Variants in CD101 observed in about 807,000 individuals in gnomAD.
CD101 encodes the protein immunoglobulin superfamily member 2.
Under a neutral mutation model 98.2 loss-of-function variants are expected in CD101, and 76 were observed. That is an observed-to-expected ratio of 0.77 (90% confidence interval 0.64 to 0.94). The LOEUF is 0.94. CD101 is among the 40% of genes least tolerant of loss of function. The probability of loss-of-function intolerance (pLI) is 0.00; values close to 1 mark genes in which losing one functional copy is unlikely to be tolerated. For missense variants in CD101, 1,145 were observed against 1,218.8 expected, an observed-to-expected ratio of 0.94 and a Z score of 0.90; for synonymous variants, 471 against 472.7, an observed-to-expected ratio of 1.00 and a Z score of 0.05.
At position 117,023,160 on chromosome 1, in the gene CD101, C is replaced by A. The variant is rs1288955718; in HGVS notation, c.2428+1177C>A. On this transcript the variant is annotated intron_variant, in intron 7 of 9. Transcript: ENST00000682167. The surrounding 1 kb of genome is among the most constrained non-coding windows in gnomAD (Gnocchi z 4.4). ...GCATGCCCTAAATTGCACTTAGCAT[C>A]TCTGCCATCTCACCATGCTCATTTG... Among the ~76,000 whole-genome samples, 1 of 152,218 alleles carries A rather than the reference C, an allele frequency of 6.6e-6. No homozygotes were observed. Among genetic ancestry groups the A allele is most frequent in the African/African-American group, 2.4e-5 (1 of 41,458 alleles).
intron 4 of CD101, 150 bp from the exon 5 acceptor site, chr1:117,016,940 A>G: frequency 2.7e-6 from 2 of 741,984 alleles, no homozygotes; most frequent in Non-Finnish European, 4.3e-6. Flanking sequence ...GGTTTGGCAA[A>G]TCTTTTGCCT....
In CD101 at chr1:117,022,046, G is replaced by A; in HGVS notation, c.2428+63G>A. On this transcript the variant is annotated intron_variant, in intron 7 of 9. Coordinates refer to ENST00000682167, the MANE Select transcript of CD101 (RefSeq NM_001256106.3). The surrounding 1 kb of genome is among the most constrained non-coding windows in gnomAD (Gnocchi z 4.8). ...TCTGACGGCTGTTTTCTCTTGGGCA[G>A]CTGTTCTATGGAGTGATTATGTGGA... 2 of 1,519,264 alleles carry A rather than the reference G, an allele frequency of 1.3e-6. No individual in the cohort carries two copies. The highest frequency in any genetic ancestry group is 4.1e-5 in the Admixed American group (2 of 49,046). 94.1% of individuals were successfully genotyped at this position (1,519,264 alleles called of 1,614,324 possible).
rs751020540 is a variant in CD101 at position 117,013,441 on chromosome 1, T to A, written c.877T>A (p.Leu293Met). The change falls in exon 4 of 10, where the codon TTG (leucine) becomes ATG (methionine). Residue 293 changes from leucine (L) to methionine (M), a missense_variant. Physicochemically the swap from Leu to Met is conservative, Grantham distance 15 (BLOSUM62 2). Transcript: ENST00000682167. ...DFQVNITADS[L>M]FAEGKPLELV... ...TCAAGTCAACATTACAGCTGACAGCTTGTTTGCTGAAGGGAAACCCTTAGA... is the reference window on the plus strand; with the variant it reads ...TCAAGTCAACATTACAGCTGACAGCATGTTTGCTGAAGGGAAACCCTTAGA... The A allele has an allele frequency of 9.9e-6, 16 of 1,611,828 alleles. No individual in the cohort carries two copies. The highest frequency in any genetic ancestry group is 5.0e-5 in the Admixed American group (3 of 59,714).
chr1:117,023,686 G>A lies in CD101; in HGVS notation c.2428+1703G>A, dbSNP rs369478693. On this transcript the variant is annotated intron_variant, in intron 7 of 9. Transcript: ENST00000682167. This position sits in a 1 kb window ranked among gnomAD's most constrained non-coding sequence, Gnocchi z 4.4. ...CCTGCCTTGGCCTCCCAAAGTGCTG[G>A]GATTACAGGCGTGAGCCACTGCGCC... 6.6e-6 allele frequency among the ~76,000 whole-genome samples: 1 copy of A among 152,038 alleles called. No homozygotes were observed. Among genetic ancestry groups the A allele is most frequent in the African/African-American group, 2.4e-5 (1 of 41,366 alleles).
At chr1:117,020,352 T>C (rs1396455025) in intron 6 of CD101, among the ~76,000 whole-genome samples, 2 of 152,126 alleles carry the variant, frequency 1.3e-5, no homozygotes, top group Non-Finnish European at 2.9e-5. Context: ...GAGACCAGCC[T>C]GGCCAACATA....
rs764606027 is a variant in CD101 at position 117,018,692 on chromosome 1, G to A, written c.2017+132G>A. On this transcript the variant is annotated intron_variant, in intron 6 of 9. Coordinates refer to ENST00000682167, the MANE Select transcript of CD101 (RefSeq NM_001256106.3). The surrounding 1 kb of genome is among the most constrained non-coding windows in gnomAD (Gnocchi z 4.3). ...TGTTCTATCTAAGTAAGCACCACAT[G>A]ATGAATGATACCCAGGTTAACATTG... 1 of 826,356 alleles carries A rather than the reference G, an allele frequency of 1.2e-6. No individual in the cohort carries two copies. The highest frequency in any genetic ancestry group is 1.8e-6 in the Non-Finnish European group (1 of 544,798). 51.2% of individuals were successfully genotyped at this position (826,356 alleles called of 1,614,324 possible).
chr1:117,023,288 G>A lies in CD101; in HGVS notation c.2428+1305G>A, dbSNP rs757642404. On this transcript the variant is annotated intron_variant, in intron 7 of 9. Transcript: ENST00000682167. The surrounding 1 kb of genome is among the most constrained non-coding windows in gnomAD (Gnocchi z 4.4). ...TGGCCGTCTTCAGGAGGCAGCCACT[G>A]CTTAGCTCAAGTGCTTCCCATGTAG... 2.0e-5 allele frequency among the ~76,000 whole-genome samples: 3 copies of A among 152,202 alleles called. No homozygotes were observed. The South Asian group carries it at 6.2e-4, about 31-fold the overall frequency.
chr1:117,030,445 G>A (rs571558862), intron 8 of CD101, among the ~76,000 whole-genome samples: 1 of 150,148 alleles, frequency 6.7e-6, no homozygotes, highest in South Asian at 2.1e-4. Flanking sequence ...GAAAGAAAGA[G>A]AAAGAAAGAA....
Position 117,010,268 on chromosome 1 carries a change from G to A in CD101, c.424+38G>A. 1 of 1,573,962 alleles carries A rather than the reference G, an allele frequency of 6.4e-7. No individual in the cohort carries two copies. Among genetic ancestry groups the A allele is most frequent in the Non-Finnish European group, 8.6e-7 (1 of 1,157,328 alleles). ...TCCACTTCTGCTAGCCAGCCCCTGAGAAGCCAGAGTCTCCACCATGACAAT... is the reference window on the plus strand; with the variant it reads ...TCCACTTCTGCTAGCCAGCCCCTGAAAAGCCAGAGTCTCCACCATGACAAT... On this transcript the variant is annotated intron_variant, in intron 2 of 9. Coordinates refer to ENST00000682167, the MANE Select transcript of CD101 (RefSeq NM_001256106.3). This position sits in a 1 kb window ranked among gnomAD's most constrained non-coding sequence, Gnocchi z 5.2.
At chr1:117,026,994 T>A (rs2764877) in intron 8 of CD101, among the ~76,000 whole-genome samples, 44,374 of 152,068 alleles carry the variant, frequency 0.29, 6,752 homozygotes, top group South Asian at 0.4. Flanking sequence ...GGCTGGAATC[T>A]GACCAGCCTA....
rs1336246863 is a variant in CD101, at chr1:117,022,103, G to C, written c.2428+120G>C. The C allele has an allele frequency of 1.8e-6, 2 of 1,115,098 alleles. No individual in the cohort carries two copies. The highest frequency in any genetic ancestry group is 3.1e-5 in the African/African-American group (2 of 64,064). 69.1% of individuals were successfully genotyped at this position (1,115,098 alleles called of 1,614,324 possible). On this transcript the variant is annotated intron_variant, in intron 7 of 9. Transcript: ENST00000682167. This position sits in a 1 kb window ranked among gnomAD's most constrained non-coding sequence, Gnocchi z 4.8. ...AATATGACCTAAAGTCATAGGAACA[G>C]TATCTACCTACACATGACTGCAAGA...
chr1:117,026,030 G>A, intron 8 of CD101, 126 bp downstream of exon 8: 1 of 1,038,830 alleles, frequency 9.6e-7, no homozygotes, highest in African/African-American at 1.6e-5. Context: ...ACAATTTTCA[G>A]GTTCCCTAAA....
chr1:117,015,229 T>G (rs1304749360), intron 4 of CD101, among the ~76,000 whole-genome samples: 1 of 152,206 alleles, frequency 6.6e-6, no homozygotes, highest in Admixed American at 6.5e-5. Context: ...TTAGCAACAT[T>G]TTATCATTTA....
Position 117,023,621 on chromosome 1 carries a change from T to A in CD101, c.2428+1638T>A, listed in dbSNP as rs1456026193. Among the ~76,000 whole-genome samples, 2 of 152,124 alleles carry A rather than the reference T, an allele frequency of 1.3e-5. No individual in the cohort carries two copies. Among genetic ancestry groups the A allele is most frequent in the Non-Finnish European group, 2.9e-5 (2 of 68,026 alleles). ...TAGTAGAGACAGGGTTTTACCATGTTGCTCAGGCTGGTCTTGAACTCCTGA... is the reference window on the plus strand; with the variant it reads ...TAGTAGAGACAGGGTTTTACCATGTAGCTCAGGCTGGTCTTGAACTCCTGA... On this transcript the variant is annotated intron_variant, in intron 7 of 9. Coordinates refer to ENST00000682167, the MANE Select transcript of CD101 (RefSeq NM_001256106.3). This position sits in a 1 kb window ranked among gnomAD's most constrained non-coding sequence, Gnocchi z 4.4.
chr1:117,032,204 C>G (rs992092039), intron 8 of CD101: 1 of 152,220 alleles, frequency 6.6e-6, no homozygotes, highest in East Asian at 1.9e-4. Flanking sequence ...TCTTTGCCAG[C>G]CCCATTCAGA....
In CD101 at chr1:117,018,416, C is replaced by G; in HGVS notation, c.1873C>G (p.Leu625Val). Residue 625 changes from leucine to valine, a missense_variant, in exon 6 of 10, where the codon CTC becomes GTC. Transcript: ENST00000682167. This position sits in a 1 kb window ranked among gnomAD's most constrained non-coding sequence, Gnocchi z 4.3. The stretch of plus-strand genomic sequence containing the variant: ...GTCGCAGTCTTTATTTCGTTCACAA[C>G]TCCTAGTCCATGATGCCACTGAGGA... ...KVSQSLFRSQ[L>V]LVHDATEEET... is the part of the protein sequence containing the mutation. 6.2e-7 allele frequency: 1 copy of G among 1,614,218 alleles called. No individual in the cohort carries two copies. The highest frequency in any genetic ancestry group is 8.5e-7 in the Non-Finnish European group (1 of 1,180,040).
Position 117,023,900 on chromosome 1 carries a change from C to A in CD101, c.2429-1609C>A, listed in dbSNP as rs997255409. 1.3e-5 allele frequency among the ~76,000 whole-genome samples: 2 copies of A among 152,040 alleles called. No individual in the cohort carries two copies. Among genetic ancestry groups the A allele is most frequent in the Non-Finnish European group, 2.9e-5 (2 of 68,002 alleles). On this transcript the variant is annotated intron_variant, in intron 7 of 9. Transcript: ENST00000682167. This position sits in a 1 kb window ranked among gnomAD's most constrained non-coding sequence, Gnocchi z 4.4. ...TCTCTGAGGTTGGAAGAAAAGAAGT[C>A]AATTTCAAGGAGAAATTGGACTCCA... is the stretch of plus-strand genomic sequence containing the variant.
chr1:117,020,093 A>G (rs567022087), intron 6 of CD101, among the ~76,000 whole-genome samples: 4 of 152,118 alleles, frequency 2.6e-5, no homozygotes, highest in South Asian at 2.1e-4. Context: ...CCTCTTCTCC[A>G]TCGGAATAAT....
Position 117,021,631 on chromosome 1 carries a change from C to T in CD101, c.2076C>T (p.Asn692=). The T allele has an allele frequency of 1.2e-6, 2 of 1,612,298 alleles. No homozygotes were observed. The highest frequency in any genetic ancestry group is 3.4e-5 in the Admixed American group (2 of 59,674). ...SQVQELSINS[N]TDIECSILSR... ...TCCAAGAGCTCTCCATCAACTCCAA[C>T]ACTGATATAGAATGTAGCATCTTGT... The change falls in exon 7 of 10, where the codon AAC becomes AAT. Residue 692 remains asparagine (N), a synonymous_variant. Transcript: ENST00000682167. The surrounding 1 kb of genome is among the most constrained non-coding windows in gnomAD (Gnocchi z 4.7).
Sources: allele counts gnomAD v4.1 joint callset (sites outside exome capture counted in the v4.1 genomes callset), GRCh38; gene constraint gnomAD v4.1.1; non-coding constraint Gnocchi (gnomAD v3.1); transcripts MANE v1.5; gene names NCBI Gene and HGNC (gene_info 2026-07-23, HGNC 2026-07-21).